The following PRKD1 variants were observed in gnomAD, a reference collection of about 807,000 sequenced individuals.
PRKD1 encodes the protein protein kinase D1, also known as serine/threonine-protein kinase D1.
PRKD1 carries 63 observed loss-of-function variants against 95.9 expected under a neutral mutation model. The observed-to-expected ratio is 0.66, with a 90% confidence interval of 0.54 to 0.81. The LOEUF is 0.81. Among genes scored for constraint, PRKD1 ranks in the 30% least tolerant of loss-of-function variants. The pLI is 0.00. For missense variants in PRKD1, 1,048 were observed against 1,165.3 expected (o/e 0.90, Z 1.47); for synonymous variants, 425 against 423.1 (o/e 1.00, Z -0.05).
At chr14:29,904,917 C>T (rs1894442683) in intron 1 of PRKD1, among the ~76,000 whole-genome samples, 2 of 152,162 alleles carry the variant, frequency 1.3e-5, no homozygotes, top group South Asian at 4.1e-4. Flanking sequence ...AGTTGGAAAT[C>T]AACTTGGACA....
At chr14:29,680,718 TGA>T (rs1566535309) in intron 2 of PRKD1, among the ~76,000 whole-genome samples, 1 of 152,118 alleles carries the variant, frequency 6.6e-6, no homozygotes, top group Non-Finnish European at 1.5e-5. Flanking sequence ...AAATTTAAAA[TGA>T]AGCCAAGGTG....
At chr14:29,784,370 T>C (rs1035928385) in intron 1 of PRKD1, among the ~76,000 whole-genome samples, 1 of 152,198 alleles carries the variant, frequency 6.6e-6, no homozygotes, top group Admixed American at 6.5e-5. Context: ...GCTTTGAGTA[T>C]TCAGGGTCTT....
intron 2 of PRKD1, among the ~76,000 whole-genome samples, chr14:29,719,622 C>T (rs985585104): frequency 6.6e-6 from 1 of 152,180 alleles, no homozygotes; most frequent in Non-Finnish European, 1.5e-5. Flanking sequence ...AGGCAAGTTA[C>T]AATTTATATT....
intron 1 of PRKD1, among the ~76,000 whole-genome samples, chr14:29,780,416 T>C (rs1231593290): frequency 6.6e-6 from 1 of 152,172 alleles, no homozygotes; most frequent in Non-Finnish European, 1.5e-5. Flanking sequence ...ATCCAGAATC[T>C]ACCAAGAACT....
chr14:29,905,642 G>A (rs1415491925), intron 1 of PRKD1, among the ~76,000 whole-genome samples: 1 of 152,134 alleles, frequency 6.6e-6, no homozygotes, highest in African/African-American at 2.4e-5. Flanking sequence ...CTAGAAACAT[G>A]GCTGAAAATC....
At chr14:29,665,194 A>G (rs45474792) in intron 3 of PRKD1, among the ~76,000 whole-genome samples, 1,864 of 152,326 alleles carry the variant, frequency 0.012, 21 homozygotes, top group Middle Eastern at 0.02. Context: ...AGGGCACAAC[A>G]TAAGCAGATA....
chr14:29,917,630 G>C (rs79852838), intron 1 of PRKD1, among the ~76,000 whole-genome samples: 1 of 151,964 alleles, frequency 6.6e-6, no homozygotes, highest in Non-Finnish European at 1.5e-5. Context: ...TATTGTTTAC[G>C]AAAAAGAAAA....
Position 29,890,093 on chromosome 14 carries a change from G to T in PRKD1, c.264+37156C>A, listed in dbSNP as rs1893885430. Among the ~76,000 whole-genome samples, 5 of 152,182 alleles carry T rather than the reference G, an allele frequency of 3.3e-5. No homozygotes were observed. In the South Asian group the frequency reaches 1.0e-3, roughly 32 times the overall value. ...TCTGAAATCCCTAGATTATATTATTGCTACTACATTTTAATAGTGTTTTAA... is the reference window on the plus strand; with the variant it reads ...TCTGAAATCCCTAGATTATATTATTTCTACTACATTTTAATAGTGTTTTAA... On this transcript the variant is annotated intron_variant, in intron 1 of 17. Transcript: ENST00000331968.
chr14:29,634,468 T>C lies in PRKD1; in HGVS notation c.1264A>G (p.Thr422Ala). 6.2e-7 allele frequency: 1 copy of C among 1,614,134 alleles called. No homozygotes were observed. The highest frequency in any genetic ancestry group is 8.5e-7 in the Non-Finnish European group (1 of 1,179,982). The change falls in exon 8 of 18, where the codon ACA becomes GCA. Residue 422 changes from threonine (T) to alanine (A), a missense_variant. Thr to Ala is a moderately conservative substitution (Grantham distance 58, BLOSUM62 0). Coordinates refer to ENST00000331968, the MANE Select transcript of PRKD1 (RefSeq NM_002742.3). ...ACCATCCATCCTTCTTTCATGACTGTGCTGCTTTTCCTCTTCGTGTGTTTG... is the reference window on the plus strand; with the variant it reads ...ACCATCCATCCTTCTTTCATGACTGCGCTGCTTTTCCTCTTCGTGTGTTTG... ...SVKHTKRKSS[T>A]VMKEGWMVHY...
rs112052988 is a variant in PRKD1, at chr14:29,631,144, T to C, written c.1393-123A>G. 610 of 981,974 alleles carry C rather than the reference T, an allele frequency of 6.2e-4. 2 individuals carry two copies. The African/African-American group carries it at 7.1e-3, about 11-fold the overall frequency. 60.8% of individuals were successfully genotyped at this position (981,974 alleles called of 1,614,324 possible). A position where few individuals can be genotyped will look rare whatever the true frequency, so the allele number is the denominator to read the frequency against. The stretch of plus-strand genomic sequence containing the variant: ...TAGCCACCATTTAAATAAAATACTT[T>C]TAAACTATAAAACACAGAATACTGC... On this transcript the variant is annotated intron_variant, in intron 9 of 17. Transcript: ENST00000331968.
chr14:29,837,205 T>G (rs111444098), intron 1 of PRKD1, among the ~76,000 whole-genome samples: 1,718 of 152,292 alleles, frequency 0.011, 30 homozygotes, highest in African/African-American at 0.039. Context: ...ATAAGGTGTT[T>G]TTTTTAAAGA....
chr14:29,887,209 C>A (rs972542984), intron 1 of PRKD1, among the ~76,000 whole-genome samples: 3 of 152,224 alleles, frequency 2.0e-5, no homozygotes, highest in Non-Finnish European at 4.4e-5. Context: ...GCAACCTTGA[C>A]TGCCCTAAAG....
chr14:29,599,785 C>T lies in PRKD1; in HGVS notation c.1938G>A (p.Glu646=), dbSNP rs1893447834. Residue 646 remains glutamate, a synonymous_variant, in exon 14 of 18, where the codon GAG becomes GAA. Transcript: ENST00000331968. ...NLHHPGVVNL[E]CMFETPERVF... ...CTCTTTCAGGCGTCTCAAACATACA[C>T]TCCAAATTTACAACACCAGGGTGAT... 1.2e-6 allele frequency: 2 copies of T among 1,612,550 alleles called. No individual in the cohort carries two copies. The highest frequency in any genetic ancestry group is 8.5e-7 in the Non-Finnish European group (1 of 1,179,532).
At chr14:29,922,083 C>T (rs764390726) in intron 1 of PRKD1, among the ~76,000 whole-genome samples, 3 of 151,650 alleles carry the variant, frequency 2.0e-5, no homozygotes, top group African/African-American at 4.8e-5. Flanking sequence ...GGGCGGATTA[C>T]GAGGTCAGGA....
intron 1 of PRKD1, among the ~76,000 whole-genome samples, chr14:29,892,112 CTTT>C (rs934428750): frequency 1.4e-4 from 22 of 152,296 alleles, no homozygotes; most frequent in Admixed American, 8.5e-4. Context: ...TCACATACTT[CTTT>C]GAGATTCCAC....
intron 2 of PRKD1, among the ~76,000 whole-genome samples, chr14:29,718,386 G>A (rs539474670): frequency 1.0e-4 from 12 of 119,430 alleles, no homozygotes; most frequent in African/African-American, 5.3e-4. Flanking sequence ...TGCCATGATT[G>A]CAAGTCTCCT....
chr14:29,641,634 A>T (rs1257872861), intron 4 of PRKD1, among the ~76,000 whole-genome samples: 1 of 152,168 alleles, frequency 6.6e-6, no homozygotes, highest in East Asian at 1.9e-4. Flanking sequence ...AACATGAGGC[A>T]AATCTGAAGT....
At chr14:29,768,034 C>T (rs553162020) in intron 1 of PRKD1, among the ~76,000 whole-genome samples, 1 of 152,254 alleles carries the variant, frequency 6.6e-6, no homozygotes, top group East Asian at 1.9e-4. Flanking sequence ...AGAAGTGTTT[C>T]TAGTATTCAC....
At chr14:29,820,210 C>T (rs889904373) in intron 1 of PRKD1, among the ~76,000 whole-genome samples, 2 of 152,126 alleles carry the variant, frequency 1.3e-5, no homozygotes, top group African/African-American at 4.8e-5. Context: ...GGCTACTACC[C>T]GGGTGGTCTG....
Sources: allele counts gnomAD v4.1 joint callset (sites outside exome capture counted in the v4.1 genomes callset), GRCh38; gene constraint gnomAD v4.1.1; transcripts MANE v1.5; gene names NCBI Gene and HGNC (gene_info 2026-07-23, HGNC 2026-07-21).